The following JAZF1 variants were observed in gnomAD, a reference collection of about 807,000 sequenced individuals.
JAZF1 encodes JAZF zinc finger 1.
Under a neutral mutation model 26.4 loss-of-function variants are expected in JAZF1, and 8 were observed. That is an observed-to-expected ratio of 0.30 (90% confidence interval 0.18 to 0.55). The LOEUF (loss-of-function observed/expected upper bound fraction) is 0.55, where lower values mean the gene tolerates loss of function less well. Among genes scored for constraint, JAZF1 ranks in the 20% least tolerant of loss-of-function variants. The pLI is 0.94. For synonymous variants in JAZF1, 126 were observed against 122.3 expected, an observed-to-expected ratio of 1.03 and a Z score of -0.20; for missense variants, 199 against 322.0, an observed-to-expected ratio of 0.62 and a Z score of 2.92.
rs148897564 is a variant in JAZF1 at position 28,113,559 on chromosome 7, T to G, written c.115+66904A>C. ...GTATTCATATCGGAGCTATAACTCC[T>G]ATTTACCAAAACCTACTATGGACCA... On this transcript the variant is annotated intron_variant, in intron 1 of 4. Transcript: ENST00000283928. 9.1e-3 allele frequency among the ~76,000 whole-genome samples: 1,382 copies of G among 152,300 alleles called. 24 individuals are homozygous for G. Among genetic ancestry groups the G allele is most frequent in the African/African-American group, 0.032 (1,331 of 41,548 alleles).
intron 1 of JAZF1, among the ~76,000 whole-genome samples, chr7:28,091,276 C>T (rs531645123): frequency 1.3e-5 from 2 of 152,084 alleles, no homozygotes; most frequent in Non-Finnish European, 1.5e-5. Context: ...TATTATGTCT[C>T]AACTAGAAGT....
At chr7:27,933,031 C>G (rs1019103067) in intron 2 of JAZF1, among the ~76,000 whole-genome samples, 1 of 152,130 alleles carries the variant, frequency 6.6e-6, no homozygotes, top group African/African-American at 2.4e-5. Context: ...ACAAATGTTA[C>G]TGGGATGGAC....
intron 2 of JAZF1, among the ~76,000 whole-genome samples, chr7:27,986,930 T>G (rs184006888): frequency 0.024 from 3,632 of 152,250 alleles, 141 homozygotes; most frequent in African/African-American, 0.08. Context: ...GTGCCAGGAT[T>G]GCAGACGGAG....
chr7:28,009,331 A>T (rs1402516712), intron 1 of JAZF1, among the ~76,000 whole-genome samples: 1 of 152,120 alleles, frequency 6.6e-6, no homozygotes, highest in Non-Finnish European at 1.5e-5. Context: ...ACTTTAGCCA[A>T]TCAGTTCAGT....
intron 1 of JAZF1, among the ~76,000 whole-genome samples, chr7:28,025,564 A>G (rs1783081170): frequency 6.6e-6 from 1 of 152,220 alleles, no homozygotes; most frequent in African/African-American, 2.4e-5. Context: ...CAGAAGTAAA[A>G]TACGTCATTT....
chr7:28,177,262 G>A (rs1783563108), intron 1 of JAZF1, among the ~76,000 whole-genome samples: 2 of 152,092 alleles, frequency 1.3e-5, no homozygotes, highest in South Asian at 2.1e-4. Flanking sequence ...AGAGAAAAGA[G>A]CTAAAAAAGT....
Position 28,034,106 on chromosome 7 carries a change from A to C in JAZF1, c.116-42125T>G, listed in dbSNP as rs189824720. On this transcript the variant is annotated intron_variant, in intron 1 of 4. Transcript: ENST00000283928. ...GCATAAGAAATACCAATACCTCTCT[A>C]AAAAAAAATTATCTTTTATGACTTT... 0.023 allele frequency among the ~76,000 whole-genome samples: 3,381 copies of C among 149,774 alleles called. 301 individuals are homozygous for C. In the East Asian group the frequency reaches 0.32, roughly 14 times the overall value.
At chr7:27,908,599 TG>T (rs1441768434) in intron 2 of JAZF1, among the ~76,000 whole-genome samples, 1 of 152,228 alleles carries the variant, frequency 6.6e-6, no homozygotes, top group African/African-American at 2.4e-5. Context: ...AGAATGGAGT[TG>T]CTCAGGCTAA....
At chr7:28,075,768 GGCTGT>G (rs1171698849) in intron 1 of JAZF1, among the ~76,000 whole-genome samples, 2 of 151,958 alleles carry the variant, frequency 1.3e-5, no homozygotes, top group African/African-American at 4.8e-5. Context: ...TAAAAAAAAA[GGCTGT>G]GCACTATTTT....
intron 3 of JAZF1, among the ~76,000 whole-genome samples, chr7:27,857,274 CT>C (rs1399487798): frequency 2.6e-5 from 4 of 152,224 alleles, no homozygotes; most frequent in Non-Finnish European, 5.9e-5. Flanking sequence ...CCCTCACTGC[CT>C]GGGGCTTGCG....
In JAZF1 at chr7:27,895,325, G is replaced by C; in HGVS notation, c.280C>G (p.Arg94Gly). ...LSLTLSSSVS[R>G]GNVSTPPRHS... ...CGTGGGGGAGTGGACACATTCCCTC[G>C]AGACACTGAGCTGGACAGAGTCAGC... The change falls in exon 3 of 5, where the codon CGA (arginine) becomes GGA (glycine). Residue 94 changes from arginine (R) to glycine (G), a missense_variant. Transcript: ENST00000283928. 6.2e-7 allele frequency: 1 copy of C among 1,611,482 alleles called. No individual in the cohort carries two copies. The highest frequency in any genetic ancestry group is 8.5e-7 in the Non-Finnish European group (1 of 1,178,780).
chr7:27,924,117 C>T (rs1010564981), intron 2 of JAZF1, among the ~76,000 whole-genome samples: 8 of 152,128 alleles, frequency 5.3e-5, no homozygotes. Context: ...CTTGCTCTGT[C>T]GCCCAGGCTG....
chr7:27,876,015 A>C (rs1783672750), intron 3 of JAZF1, among the ~76,000 whole-genome samples: 1 of 152,228 alleles, frequency 6.6e-6, no homozygotes, highest in African/African-American at 2.4e-5. Flanking sequence ...TCCAGGCACC[A>C]AAACTTCCTA....
intron 1 of JAZF1, among the ~76,000 whole-genome samples, chr7:28,167,389 G>C (rs1783386871): frequency 6.6e-6 from 1 of 152,188 alleles, no homozygotes; most frequent in Non-Finnish European, 1.5e-5. Flanking sequence ...CCCCATCTTA[G>C]AGAGGAAGAA....
chr7:28,004,200 A>C (rs1782660476), intron 1 of JAZF1, among the ~76,000 whole-genome samples: 1 of 152,122 alleles, frequency 6.6e-6, no homozygotes, highest in Admixed American at 6.5e-5. Context: ...GATAACCAGA[A>C]AGGGGGGGTA....
intron 2 of JAZF1, among the ~76,000 whole-genome samples, chr7:27,917,557 C>G (rs970405344): frequency 6.6e-6 from 1 of 152,144 alleles, no homozygotes; most frequent in Non-Finnish European, 1.5e-5. Context: ...GATTTACCAC[C>G]TGAACACACT....
chr7:27,969,642 G>A (rs1163952701), intron 2 of JAZF1, among the ~76,000 whole-genome samples: 1 of 152,106 alleles, frequency 6.6e-6, no homozygotes, highest in Non-Finnish European at 1.5e-5. Context: ...AACAAGCAAG[G>A]GGATTTATCT....
intron 2 of JAZF1, among the ~76,000 whole-genome samples, chr7:27,984,168 A>G (rs1785648111): frequency 6.6e-6 from 1 of 152,208 alleles, no homozygotes; most frequent in Non-Finnish European, 1.5e-5. Context: ...ATTGGATTAA[A>G]AGTCAAGACC....
At position 28,124,821 on chromosome 7, in the gene JAZF1, A is replaced by G. The variant is rs184903204; in HGVS notation, c.115+55642T>C. 1.2e-3 allele frequency among the ~76,000 whole-genome samples: 179 copies of G among 152,352 alleles called. 1 individual carries two copies. Among genetic ancestry groups the G allele is most frequent in the Non-Finnish European group, 2.0e-3 (138 of 68,022 alleles). On this transcript the variant is annotated intron_variant, in intron 1 of 4. Transcript: ENST00000283928. Reference sequence around the variant, plus strand: ...TTTAATGAGCATTTTGATCAGATCAATACTACAAAATGCTAAACTGTACAA... The same window carrying G: ...TTTAATGAGCATTTTGATCAGATCAGTACTACAAAATGCTAAACTGTACAA...
Sources: gnomAD v4.1 joint callset for allele counts (sites outside exome capture counted in the v4.1 genomes callset) on GRCh38, gnomAD v4.1.1 for gene constraint, MANE v1.5 for transcripts, NCBI Gene and HGNC (gene_info 2026-07-23, HGNC 2026-07-21) for gene names.